The following SUGCT variants were observed in gnomAD, a reference collection of about 807,000 sequenced individuals.
SUGCT encodes the protein succinyl-CoA:glutarate CoA-transferase.
A neutral mutation model predicts 55.0 loss-of-function variants in SUGCT; 41 were observed. That is an observed-to-expected ratio of 0.74 (90% CI 0.58 to 0.97). The LOEUF (loss-of-function observed/expected upper bound fraction) is 0.97, where lower values mean the gene tolerates loss of function less well. Ranked by LOEUF, SUGCT falls within the 50% of genes least tolerant of loss-of-function variation. The pLI is 0.00. For synonymous variants in SUGCT, 187 were observed against 200.4 expected (o/e 0.93, Z 0.56); for missense variants, 568 against 547.8 (o/e 1.04, Z -0.37).
At chr7:40,749,358 G>T (rs1406493647) in intron 12 of SUGCT, 76 bp from the exon 13 acceptor site, 6 of 1,125,976 alleles carry the variant, frequency 5.3e-6, no homozygotes, top group Non-Finnish European at 8.2e-6. Context: ...CGACTGAATA[G>T]ATGGCTGTCC....
intron 13 of SUGCT, among the ~76,000 whole-genome samples, chr7:40,817,706 A>C (rs1332846190): frequency 1.3e-5 from 2 of 152,210 alleles, no homozygotes; most frequent in African/African-American, 4.8e-5. Flanking sequence ...CTTCAGACAG[A>C]GTATATAGAC....
At chr7:40,926,525 A>C in the SUGCT span, among the ~76,000 whole-genome samples, 1 of 152,166 alleles carries the variant, frequency 6.6e-6, no homozygotes, top group Non-Finnish European at 1.5e-5. Flanking sequence ...TAATGGACCA[A>C]ATGTTTGTAT....
chr7:40,202,582 G>A (rs114900873), intron 6 of SUGCT, among the ~76,000 whole-genome samples: 2,542 of 152,130 alleles, frequency 0.017, 70 homozygotes, highest in African/African-American at 0.059. Flanking sequence ...GGCCCTCCCA[G>A]GGAAGGGAAG....
chr7:40,448,156 T>G (rs575466310), intron 9 of SUGCT, among the ~76,000 whole-genome samples: 19 of 151,844 alleles, frequency 1.3e-4, no homozygotes, highest in Admixed American at 3.3e-4. Flanking sequence ...AAGATTACAT[T>G]TGAGTTCTTG....
chr7:40,543,579 A>T (rs1369686769), intron 12 of SUGCT, among the ~76,000 whole-genome samples: 1 of 152,208 alleles, frequency 6.6e-6, no homozygotes, highest in Non-Finnish European at 1.5e-5. Context: ...TGACTTTCAG[A>T]TGGAAACCTG....
At chr7:40,521,042 A>C (rs1793501052) in intron 12 of SUGCT, among the ~76,000 whole-genome samples, 1 of 152,106 alleles carries the variant, frequency 6.6e-6, no homozygotes, top group African/African-American at 2.4e-5. Context: ...AGGTGAAAAC[A>C]CTAGATTATA....
At chr7:40,248,190 T>C (rs1790043202) in intron 7 of SUGCT, among the ~76,000 whole-genome samples, 1 of 152,120 alleles carries the variant, frequency 6.6e-6, no homozygotes, top group Non-Finnish European at 1.5e-5. Context: ...TTTGTATTTT[T>C]AGCAGAGACA....
At chr7:40,726,729 C>T (rs1226809407) in intron 12 of SUGCT, among the ~76,000 whole-genome samples, 1 of 152,184 alleles carries the variant, frequency 6.6e-6, no homozygotes, top group African/African-American at 2.4e-5. Flanking sequence ...AGGGCACCGA[C>T]AATGGGTTGG....
chr7:40,344,337 T>C (rs10281352), intron 9 of SUGCT, among the ~76,000 whole-genome samples: 80,214 of 151,932 alleles, frequency 0.53, 21,500 homozygotes, highest in South Asian at 0.64. Flanking sequence ...CTACCGATCC[T>C]ATCCTTGGGC....
chr7:40,900,987 T>C, the SUGCT span, among the ~76,000 whole-genome samples: 2 of 152,126 alleles, frequency 1.3e-5, no homozygotes, highest in African/African-American at 2.4e-5. Flanking sequence ...AAGAAAGAAA[T>C]GTTTGGATGG....
At chr7:40,666,915 C>T (rs1801672261) in intron 12 of SUGCT, among the ~76,000 whole-genome samples, 1 of 151,920 alleles carries the variant, frequency 6.6e-6, no homozygotes, top group African/African-American at 2.4e-5. Context: ...ATTGCTTGAG[C>T]CCAGGAGTTT....
At chr7:40,931,125 G>A in the SUGCT span, among the ~76,000 whole-genome samples, 6 of 152,114 alleles carry the variant, frequency 3.9e-5, no homozygotes, top group Admixed American at 1.3e-4. Flanking sequence ...AGAGTTTTTA[G>A]CATGAAGGGC....
the SUGCT span, among the ~76,000 whole-genome samples, chr7:40,905,604 A>C: frequency 6.6e-6 from 1 of 152,146 alleles, no homozygotes; most frequent in African/African-American, 2.4e-5. Flanking sequence ...CTCATTCACT[A>C]CTGTGTACTC....
At chr7:40,411,027 C>T (rs1786646597) in intron 9 of SUGCT, among the ~76,000 whole-genome samples, 1 of 152,012 alleles carries the variant, frequency 6.6e-6, no homozygotes, top group African/African-American at 2.4e-5. Flanking sequence ...TTACAGAAAA[C>T]GTCTGATTAA....
At chr7:40,297,541 T>A (rs1794238398) in intron 8 of SUGCT, among the ~76,000 whole-genome samples, 1 of 152,146 alleles carries the variant, frequency 6.6e-6, no homozygotes, top group South Asian at 2.1e-4. Context: ...TCTGATCATT[T>A]TGAGGAAAAG....
At chr7:40,870,999 G>C in the SUGCT span, among the ~76,000 whole-genome samples, 1 of 152,074 alleles carries the variant, frequency 6.6e-6, no homozygotes, top group Non-Finnish European at 1.5e-5. Flanking sequence ...TCAGGATCAT[G>C]TTGTATTTTT....
chr7:40,591,566 G>A (rs1343156231), intron 12 of SUGCT, among the ~76,000 whole-genome samples: 1 of 152,160 alleles, frequency 6.6e-6, no homozygotes, highest in Non-Finnish European at 1.5e-5. Flanking sequence ...ATTCTACTGT[G>A]GGTAAAATGC....
chr7:40,880,058 A>G, the SUGCT span, among the ~76,000 whole-genome samples: 1 of 152,226 alleles, frequency 6.6e-6, no homozygotes, highest in African/African-American at 2.4e-5. Flanking sequence ...TCACAGGAAA[A>G]GGGAGTGAAT....
chr7:40,706,519 G>A (rs1280229321), intron 12 of SUGCT, among the ~76,000 whole-genome samples: 1 of 152,114 alleles, frequency 6.6e-6, no homozygotes, highest in Non-Finnish European at 1.5e-5. Context: ...AAAAAGAAGA[G>A]AAAAGTCAGC....
Sources: gnomAD v4.1 joint callset for allele counts (sites outside exome capture counted in the v4.1 genomes callset) on GRCh38, gnomAD v4.1.1 for gene constraint, MANE v1.5 for transcripts, NCBI Gene and HGNC (gene_info 2026-07-23, HGNC 2026-07-21) for gene names.